ELOVL5: variants seen among roughly 807,000 people sequenced by gnomAD.
The protein encoded by ELOVL5 is ELOVL fatty acid elongase 5.
ELOVL5 carries 8 observed loss-of-function variants against 38.6 expected under a neutral mutation model. That is an observed-to-expected ratio of 0.21 (90% CI 0.12 to 0.37). ELOVL5 has a LOEUF of 0.37. Among genes scored for constraint, ELOVL5 ranks in the 10% least tolerant of loss-of-function variants. The pLI is 1.00. For missense variants in ELOVL5, 280 were observed against 367.8 expected (o/e 0.76, Z 1.95); for synonymous variants, 127 against 133.7 (o/e 0.95, Z 0.34).
chr6:53,328,248 A>G (rs1354801872), intron 1 of ELOVL5, among the ~76,000 whole-genome samples: 3 of 152,198 alleles, frequency 2.0e-5, no homozygotes, highest in Admixed American at 6.5e-5. Flanking sequence ...TATTAACCAC[A>G]TTTCAAATGC....
intron 1 of ELOVL5, among the ~76,000 whole-genome samples, chr6:53,311,867 A>T (rs565342507): frequency 2.0e-5 from 3 of 152,322 alleles, no homozygotes; most frequent in Non-Finnish European, 4.4e-5. Flanking sequence ...AGGTAATGAC[A>T]ATGCTCTGCA....
chr6:53,271,504 C>T (rs538699696), intron 6 of ELOVL5, among the ~76,000 whole-genome samples: 2 of 152,156 alleles, frequency 1.3e-5, no homozygotes, highest in African/African-American at 4.8e-5. Flanking sequence ...GAACCGAGAT[C>T]GCGCCACTGC....
At chr6:53,322,141 G>A (rs1768326317) in intron 1 of ELOVL5, among the ~76,000 whole-genome samples, 1 of 152,182 alleles carries the variant, frequency 6.6e-6, no homozygotes, top group Non-Finnish European at 1.5e-5. Context: ...TATCTATTCT[G>A]TCTGGGGACA....
chr6:53,299,819 T>C (rs917690618), intron 1 of ELOVL5, among the ~76,000 whole-genome samples: 7 of 152,194 alleles, frequency 4.6e-5, no homozygotes, highest in Non-Finnish European at 1.0e-4. Flanking sequence ...TCAGAAACGG[T>C]ACATCTGTTC....
intron 1 of ELOVL5, among the ~76,000 whole-genome samples, chr6:53,305,332 A>AC (rs765399972): frequency 3.7e-4 from 20 of 54,370 alleles, no homozygotes; most frequent in African/African-American, 1.4e-3. Context: ...CAGGGGGCTG[A>AC]CCCCCCCACC....
At chr6:53,314,166 C>A (rs1330174066) in intron 1 of ELOVL5, among the ~76,000 whole-genome samples, 1 of 152,240 alleles carries the variant, frequency 6.6e-6, no homozygotes. Flanking sequence ...TTTAGTGGAA[C>A]TGCAAGGATT....
chr6:53,343,719 C>T (rs937628655), intron 1 of ELOVL5, among the ~76,000 whole-genome samples: 1 of 152,230 alleles, frequency 6.6e-6, no homozygotes, highest in African/African-American at 2.4e-5. Context: ...AGATTCTATA[C>T]AAGAATGAGG....
intron 2 of ELOVL5, among the ~76,000 whole-genome samples, chr6:53,292,308 A>AC (rs1231053817): frequency 9.9e-5 from 15 of 152,230 alleles, no homozygotes; most frequent in Non-Finnish European, 2.1e-4. Context: ...AGGGTGATAA[A>AC]ACCCAAGAAA....
At chr6:53,284,003 C>G (rs1283200590) in intron 3 of ELOVL5, among the ~76,000 whole-genome samples, 5 of 150,266 alleles carry the variant, frequency 3.3e-5, no homozygotes, top group African/African-American at 1.2e-4. Flanking sequence ...TATTTAGGAC[C>G]TTAAAAAAAA....
chr6:53,297,733 T>C (rs578020019), intron 1 of ELOVL5, among the ~76,000 whole-genome samples: 2 of 152,260 alleles, frequency 1.3e-5, no homozygotes, highest in African/African-American at 2.4e-5. Flanking sequence ...TGGTACTATC[T>C]GCAGATTTAG....
chr6:53,311,675 T>C (rs1767839277), intron 1 of ELOVL5, among the ~76,000 whole-genome samples: 1 of 152,208 alleles, frequency 6.6e-6, no homozygotes, highest in African/African-American at 2.4e-5. Flanking sequence ...GTACTGACAT[T>C]TGCTATATCA....
chr6:53,269,351 C>T, intron 7 of ELOVL5, 81 bp from the exon 8 acceptor site: 2 of 1,133,254 alleles, frequency 1.8e-6, no homozygotes, highest in Non-Finnish European at 2.4e-6. Flanking sequence ...GCATCCCTAA[C>T]ACTAGGCCTA....
chr6:53,313,459 C>G (rs920691930), intron 1 of ELOVL5, among the ~76,000 whole-genome samples: 10 of 152,120 alleles, frequency 6.6e-5, no homozygotes, highest in African/African-American at 2.2e-4. Flanking sequence ...CTCCCGGGCT[C>G]TTGCAATCCT....
Position 53,302,099 on chromosome 6 carries a change from G to A in ELOVL5, c.-8-6392C>T, listed in dbSNP as rs1767280463. ...TGGGCCTGAATTCGAGAGAAAGACT[G>A]GAACTACCATAGCCTGGAATACAAA... On this transcript the variant is annotated intron_variant, in intron 1 of 7. Transcript: ENST00000304434. 2.6e-5 allele frequency among the ~76,000 whole-genome samples: 4 copies of A among 151,858 alleles called. No homozygotes were observed. In the South Asian group the frequency reaches 6.5e-4, roughly 25 times the overall value.
intron 1 of ELOVL5, among the ~76,000 whole-genome samples, chr6:53,348,184 A>G (rs1769652726): frequency 6.6e-6 from 1 of 152,124 alleles, no homozygotes; most frequent in Non-Finnish European, 1.5e-5. Context: ...TCTGGTTTCA[A>G]TAAAAACTGA....
chr6:53,288,310 A>C (rs1427538503), intron 3 of ELOVL5, among the ~76,000 whole-genome samples: 1 of 152,236 alleles, frequency 6.6e-6, no homozygotes, highest in Non-Finnish European at 1.5e-5. Context: ...AAGGCGCACA[A>C]GATTTTTAAG....
At chr6:53,312,869 G>T (rs957131156) in intron 1 of ELOVL5, among the ~76,000 whole-genome samples, 2 of 152,158 alleles carry the variant, frequency 1.3e-5, no homozygotes, top group Admixed American at 6.5e-5. Flanking sequence ...GTAAAGGAAG[G>T]TTTATGTTGG....
At chr6:53,296,829 A>C (rs1251287810) in intron 1 of ELOVL5, among the ~76,000 whole-genome samples, 1 of 152,220 alleles carries the variant, frequency 6.6e-6, no homozygotes, top group Non-Finnish European at 1.5e-5. Context: ...ATAACGTCCA[A>C]GGGCAAAGGC....
chr6:53,284,314 T>A (rs115404256), intron 3 of ELOVL5, among the ~76,000 whole-genome samples: 11,782 of 138,840 alleles, frequency 0.085, 492 homozygotes, highest in South Asian at 0.17. Flanking sequence ...TTTTTTTTTT[T>A]AAAAAAAAAG....
Sources: gnomAD v4.1 joint callset for allele counts (sites outside exome capture counted in the v4.1 genomes callset) on GRCh38, gnomAD v4.1.1 for gene constraint, MANE v1.5 for transcripts, NCBI Gene and HGNC (gene_info 2026-07-23, HGNC 2026-07-21) for gene names.